Variants in PTPRD observed in about 807,000 individuals in gnomAD.
PTPRD encodes receptor-type tyrosine-protein phosphatase delta.
In PTPRD, 34 loss-of-function variants were observed where a neutral mutation model predicts 214.5. The observed-to-expected ratio is 0.16, with a 90% CI of 0.12 to 0.21. PTPRD has a LOEUF of 0.21. Ranked by LOEUF, PTPRD falls within the 10% of genes least tolerant of loss-of-function variation. The pLI is 1.00. For synonymous variants in PTPRD, 1,128 were observed against 845.7 expected (o/e 1.33, Z -5.79); for missense variants, 2,545 against 2,398.7 (o/e 1.06, Z -1.27).
chr9:8,703,773 G>A (rs887243239), intron 12 of PTPRD, among the ~76,000 whole-genome samples: 1 of 152,066 alleles, frequency 6.6e-6, no homozygotes, highest in Non-Finnish European at 1.5e-5. Flanking sequence ...AATATCCCCA[G>A]CCCAGTTTTC....
intron 2 of PTPRD, among the ~76,000 whole-genome samples, chr9:10,500,057 A>C (rs1186965259): frequency 1.5e-5 from 2 of 135,906 alleles, no homozygotes; most frequent in Non-Finnish European, 3.2e-5. Flanking sequence ...ATATTGGAAT[A>C]TTTTTCTATT....
chr9:9,298,937 T>C (rs1044982135), intron 9 of PTPRD, among the ~76,000 whole-genome samples: 1 of 151,726 alleles, frequency 6.6e-6, no homozygotes, highest in South Asian at 2.1e-4. Flanking sequence ...ATAAAAGGAG[T>C]CTATTTTTCT....
intron 7 of PTPRD, among the ~76,000 whole-genome samples, chr9:9,585,951 T>C (rs2091870878): frequency 1.3e-5 from 2 of 152,000 alleles, no homozygotes; most frequent in South Asian, 4.1e-4. Flanking sequence ...ATGTGTTTGC[T>C]TTGGGAGATA....
chr9:10,212,850 G>T (rs1258348625), intron 3 of PTPRD, among the ~76,000 whole-genome samples: 1 of 152,118 alleles, frequency 6.6e-6, no homozygotes, highest in East Asian at 1.9e-4. Flanking sequence ...TTCCCACAAG[G>T]CTTGAGTGAT....
intron 35 of PTPRD, among the ~76,000 whole-genome samples, chr9:8,415,808 G>A (rs1057258781): frequency 6.6e-5 from 10 of 151,478 alleles, no homozygotes; most frequent in African/African-American, 2.2e-4. Context: ...GCATTTAGAC[G>A]TCACAGCTTC....
At chr9:8,823,294 C>T (rs768525166) in intron 11 of PTPRD, among the ~76,000 whole-genome samples, 14 of 152,154 alleles carry the variant, frequency 9.2e-5, no homozygotes, top group Non-Finnish European at 1.5e-4. Context: ...TCCCACAAAG[C>T]TTTAATTGCC....
chr9:9,770,048 G>C (rs929249342), intron 5 of PTPRD, among the ~76,000 whole-genome samples: 1 of 152,086 alleles, frequency 6.6e-6, no homozygotes, highest in Non-Finnish European at 1.5e-5. Context: ...TTGCTATTGT[G>C]AACAGTGCTG....
chr9:9,653,106 G>C (rs1291854429), intron 7 of PTPRD, among the ~76,000 whole-genome samples: 2 of 149,384 alleles, frequency 1.3e-5, no homozygotes, highest in Non-Finnish European at 2.9e-5. Flanking sequence ...ACTTTGGGAG[G>C]CCGAGGCGGG....
rs146555381 is a variant in PTPRD at position 9,289,132 on chromosome 9, C to A, written c.-202-105769G>T. On this transcript the variant is annotated intron_variant, in intron 9 of 45. Transcript: ENST00000381196. ...AAACACATGGGCTAGCAAATAGTTA[C>A]CCTCTAGAACACAAATACAAATGAA... 1.4e-4 allele frequency among the ~76,000 whole-genome samples: 21 copies of A among 151,874 alleles called. No homozygotes were observed. The East Asian group carries it at 4.1e-3, about 30-fold the overall frequency.
intron 8 of PTPRD, among the ~76,000 whole-genome samples, chr9:9,468,615 G>C (rs1369667426): frequency 6.6e-6 from 1 of 151,786 alleles, no homozygotes; most frequent in Non-Finnish European, 1.5e-5. Flanking sequence ...GTCTATATAT[G>C]TTTCTCTAAT....
At chr9:9,680,858 G>A (rs1384819433) in intron 7 of PTPRD, among the ~76,000 whole-genome samples, 2 of 151,918 alleles carry the variant, frequency 1.3e-5, no homozygotes, top group South Asian at 4.1e-4. Flanking sequence ...GTGAGCTGAA[G>A]GAGCACATAT....
At chr9:10,396,754 G>T (rs78897489) in intron 2 of PTPRD, among the ~76,000 whole-genome samples, 2,359 of 152,108 alleles carry the variant, frequency 0.016, 28 homozygotes, top group Middle Eastern at 0.024. Flanking sequence ...TGCCTGTAAT[G>T]CAATACTGAA....
At chr9:9,683,409 C>T (rs2097111257) in intron 7 of PTPRD, among the ~76,000 whole-genome samples, 1 of 151,622 alleles carries the variant, frequency 6.6e-6, no homozygotes. Flanking sequence ...GAGACAGATA[C>T]CAGCACCTGG....
chr9:10,452,947 A>G (rs939040452), intron 2 of PTPRD, among the ~76,000 whole-genome samples: 1 of 150,804 alleles, frequency 6.6e-6, no homozygotes, highest in African/African-American at 2.5e-5. Context: ...TGGGAGTTTT[A>G]TGGTTTCAGA....
At chr9:10,437,756 T>C (rs1427689197) in intron 2 of PTPRD, among the ~76,000 whole-genome samples, 2 of 151,332 alleles carry the variant, frequency 1.3e-5, no homozygotes, top group African/African-American at 2.4e-5. Context: ...CACAGAATAG[T>C]CCATTTTTGT....
At chr9:8,850,604 T>C (rs1489354916) in intron 11 of PTPRD, among the ~76,000 whole-genome samples, 8 of 152,122 alleles carry the variant, frequency 5.3e-5, no homozygotes, top group Non-Finnish European at 1.2e-4. Flanking sequence ...ATTTAGAATA[T>C]TTAAGATACA....
chr9:9,530,486 T>C (rs939725892), intron 8 of PTPRD, among the ~76,000 whole-genome samples: 3 of 152,020 alleles, frequency 2.0e-5, no homozygotes, highest in African/African-American at 7.2e-5. Context: ...TGACATTGAA[T>C]CAGTAATAAG....
intron 9 of PTPRD, among the ~76,000 whole-genome samples, chr9:9,295,566 A>C (rs1952718994): frequency 1.3e-5 from 2 of 151,780 alleles, no homozygotes. Context: ...CCAAATAATG[A>C]AGAGAGATTT....
intron 9 of PTPRD, among the ~76,000 whole-genome samples, chr9:9,287,321 C>G (rs4146134): frequency 2.6e-5 from 4 of 151,542 alleles, no homozygotes; most frequent in Non-Finnish European, 4.4e-5. Context: ...ATGTGTCTAA[C>G]TACTATTTCA....
Sources: gnomAD v4.1 joint callset for allele counts (sites outside exome capture counted in the v4.1 genomes callset) on GRCh38, gnomAD v4.1.1 for gene constraint, MANE v1.5 for transcripts, NCBI Gene and HGNC (gene_info 2026-07-23, HGNC 2026-07-21) for gene names.